USP6NL: variants seen among roughly 807,000 people sequenced by gnomAD.
USP6NL encodes the protein USP6 N-terminal like.
In USP6NL, 26 loss-of-function variants were observed where a neutral mutation model predicts 61.9. The ratio of observed to expected loss-of-function variants is 0.42; its 90% CI spans 0.31 to 0.58. The LOEUF (loss-of-function observed/expected upper bound fraction) is 0.58. Among genes scored for constraint, USP6NL ranks in the 20% least tolerant of loss-of-function variants. The probability of loss-of-function intolerance (pLI) is 0.16; values close to 1 mark genes in which losing one functional copy is unlikely to be tolerated. For synonymous variants in USP6NL, 432 were observed against 390.1 expected (o/e 1.11, Z -1.27); for missense variants, 1,114 against 1,034.3 (o/e 1.08, Z -1.06).
chr10:11,558,071 T>G (rs973980692), intron 2 of USP6NL, among the ~76,000 whole-genome samples: 2 of 152,148 alleles, frequency 1.3e-5, no homozygotes, highest in Admixed American at 6.5e-5. Context: ...TGTGGAGAAC[T>G]CTCCAGTCAC....
rs1340219821 is a variant in USP6NL at position 11,501,027 on chromosome 10, T to C, written c.384+74A>G. The C allele has an allele frequency of 1.0e-5, 12 of 1,163,068 alleles. 1 individual carries two copies. In the South Asian group the frequency reaches 1.3e-4, roughly 13 times the overall value. The allele number at this position is 1,163,068 out of a possible 1,614,324, so 72.0% of individuals were successfully genotyped here. ...TTTAAGTGATCATATGAATATCTTATGTCACCTTGAATGCTAAAAGAAATG... is the reference window on the plus strand; with the variant it reads ...TTTAAGTGATCATATGAATATCTTACGTCACCTTGAATGCTAAAAGAAATG... On this transcript the variant is annotated intron_variant, in intron 7 of 14. Transcript: ENST00000609104.
chr10:11,493,832 G>A (rs1833802867), intron 7 of USP6NL, among the ~76,000 whole-genome samples: 1 of 150,782 alleles, frequency 6.6e-6, no homozygotes, highest in East Asian at 2.0e-4. Context: ...TGTACGGCCT[G>A]ATCTCTGGGC....
intron 4 of USP6NL, among the ~76,000 whole-genome samples, chr10:11,521,598 T>C (rs992603426): frequency 1.3e-5 from 2 of 152,006 alleles, no homozygotes; most frequent in Non-Finnish European, 2.9e-5. Flanking sequence ...GCCAGGCTGG[T>C]CTTGAACTCC....
intron 5 of USP6NL, among the ~76,000 whole-genome samples, chr10:11,512,650 T>C (rs1200219358): frequency 6.6e-6 from 1 of 152,242 alleles, no homozygotes; most frequent in Non-Finnish European, 1.5e-5. Flanking sequence ...ATGAACTATT[T>C]GTCATTCCCA....
rs148380229 is a variant in USP6NL, at chr10:11,485,145, T to C, written c.825+24A>G. 6.5e-7 allele frequency: 1 copy of C among 1,538,326 alleles called. No homozygotes were observed. Among genetic ancestry groups the C allele is most frequent in the Non-Finnish European group, 8.7e-7 (1 of 1,143,078 alleles). On this transcript the variant is annotated intron_variant, in intron 12 of 14. Transcript: ENST00000609104. The surrounding 1 kb of genome is among the most constrained non-coding windows in gnomAD (Gnocchi z 4.8). ...CACCTTGTATTTATAATTTTATGACTGAGTTTTGTAAATAAATACTTACAC... is the reference window on the plus strand; with the variant it reads ...CACCTTGTATTTATAATTTTATGACCGAGTTTTGTAAATAAATACTTACAC...
chr10:11,521,299 TTA>T (rs910894173), intron 4 of USP6NL, among the ~76,000 whole-genome samples: 3 of 147,790 alleles, frequency 2.0e-5, no homozygotes, highest in Admixed American at 6.8e-5. Context: ...GTAATCAAAA[TTA>T]TATATATAAT....
In USP6NL at chr10:11,482,516, G is replaced by A. The variant is rs557849007; in HGVS notation, c.926-594C>T. Among the ~76,000 whole-genome samples, 1 of 152,140 alleles carries A rather than the reference G, an allele frequency of 6.6e-6. No individual in the cohort carries two copies. Among genetic ancestry groups the A allele is most frequent in the Non-Finnish European group, 1.5e-5 (1 of 68,028 alleles). ...ACATAACACCCTACAGGTAGATCCA[G>A]GTATTTACAAGTGTTTATGTATATC... On this transcript the variant is annotated intron_variant, in intron 13 of 14. Coordinates refer to ENST00000609104, the MANE Select transcript of USP6NL (RefSeq NM_014688.5). This position sits in a 1 kb window ranked among gnomAD's most constrained non-coding sequence, Gnocchi z 4.0.
At chr10:11,555,418 A>T (rs1279386288) in intron 2 of USP6NL, among the ~76,000 whole-genome samples, 2 of 33,098 alleles carry the variant, frequency 6.0e-5, no homozygotes, top group East Asian at 1.8e-3. Context: ...TCGGTCTTAA[A>T]AAAAAAAAAA....
In USP6NL at chr10:11,596,650, A is replaced by G. The variant is rs898945005; in HGVS notation, c.4+981T>C. The stretch of plus-strand genomic sequence containing the variant: ...AAAAAAAAAAAAAAAACTCTTTCTT[A>G]ATCTGTACTGAACTCATCTAGCCAC... On this transcript the variant is annotated intron_variant, in intron 2 of 14. Transcript: ENST00000609104. This position sits in a 1 kb window ranked among gnomAD's most constrained non-coding sequence, Gnocchi z 4.1. Among the ~76,000 whole-genome samples, 7 of 151,766 alleles carry G rather than the reference A, an allele frequency of 4.6e-5. No individual in the cohort carries two copies. Among genetic ancestry groups the G allele is most frequent in the Non-Finnish European group, 1.0e-4 (7 of 67,922 alleles).
At position 11,474,716 on chromosome 10, in the gene USP6NL, T is replaced by C. The variant is rs1371640315; in HGVS notation, c.1078+7054A>G. ...ATTAATGATTTTTTTTAAAAAAAAC[T>C]TGCATCAACAAATGACTACTGCAAA... On this transcript the variant is annotated intron_variant, in intron 14 of 14. Transcript: ENST00000609104. The surrounding 1 kb of genome is among the most constrained non-coding windows in gnomAD (Gnocchi z 4.9). Among the ~76,000 whole-genome samples, 1 of 152,188 alleles carries C rather than the reference T, an allele frequency of 6.6e-6. No homozygotes were observed. Among genetic ancestry groups the C allele is most frequent in the Non-Finnish European group, 1.5e-5 (1 of 68,032 alleles).
chr10:11,473,497 G>A (rs1366170902), intron 14 of USP6NL, among the ~76,000 whole-genome samples: 1 of 152,214 alleles, frequency 6.6e-6, no homozygotes, highest in Non-Finnish European at 1.5e-5. Flanking sequence ...AAACTTGGCA[G>A]AAAGGATGAG....
chr10:11,494,971 G>A (rs1296814943), intron 7 of USP6NL, among the ~76,000 whole-genome samples: 1 of 152,084 alleles, frequency 6.6e-6, no homozygotes, highest in African/African-American at 2.4e-5. Flanking sequence ...TGGAGGAGCA[G>A]AGTCTTCTCT....
At chr10:11,503,269 T>G (rs1384785844) in intron 6 of USP6NL, among the ~76,000 whole-genome samples, 1 of 152,214 alleles carries the variant, frequency 6.6e-6, no homozygotes, top group Admixed American at 6.5e-5. Context: ...ACATTTTTAA[T>G]GAGTAACATA....
chr10:11,579,476 C>T (rs1275419042), intron 2 of USP6NL, among the ~76,000 whole-genome samples: 1 of 152,202 alleles, frequency 6.6e-6, no homozygotes, highest in Non-Finnish European at 1.5e-5. Flanking sequence ...GCAGTGCGCA[C>T]ATGACACTTT....
rs759302894 is a variant in USP6NL at position 11,462,647 on chromosome 10, A to G, written c.2281T>C (p.Leu761=). The change falls in exon 15 of 15, where the codon TTA becomes CTA. Residue 761 remains leucine, a synonymous_variant. Transcript: ENST00000609104. ...SWTRDASRGN[L]PKYSAFQLAP... ...AGTTGAAAGGCTGAGTATTTTGGTA[A>G]ATTGCCACGGCTAGCATCTCGGGTC... The G allele has an allele frequency of 6.2e-7, 1 of 1,613,970 alleles. No individual in the cohort carries two copies. Among genetic ancestry groups the G allele is most frequent in the Admixed American group, 1.7e-5 (1 of 60,024 alleles).
At chr10:11,599,728 CTT>C (rs1167014471) in intron 1 of USP6NL, among the ~76,000 whole-genome samples, 11 of 135,726 alleles carry the variant, frequency 8.1e-5, no homozygotes, top group African/African-American at 1.1e-4. Flanking sequence ...CTCCAACCTA[CTT>C]TTTTTTTTTT....
At chr10:11,523,952 T>G (rs1566156831) in intron 4 of USP6NL, among the ~76,000 whole-genome samples, 1 of 152,202 alleles carries the variant, frequency 6.6e-6, no homozygotes, top group East Asian at 1.9e-4. Flanking sequence ...TGGAACCCAC[T>G]GGTGTTAACA....
intron 3 of USP6NL, among the ~76,000 whole-genome samples, chr10:11,526,688 A>T (rs902567223): frequency 2.6e-5 from 4 of 152,186 alleles, no homozygotes; most frequent in Non-Finnish European, 4.4e-5. Flanking sequence ...CCTCACAAAT[A>T]ATCAGAAGGA....
chr10:11,557,548 AT>A (rs1194667257), intron 2 of USP6NL, among the ~76,000 whole-genome samples: 1 of 152,278 alleles, frequency 6.6e-6, no homozygotes, highest in Non-Finnish European at 1.5e-5. Context: ...CTAGCGTTAA[AT>A]CAGAGTCATG....
Sources: gnomAD v4.1 joint callset for allele counts (sites outside exome capture counted in the v4.1 genomes callset) on GRCh38, gnomAD v4.1.1 for gene constraint, Gnocchi (gnomAD v3.1) non-coding constraint, MANE v1.5 for transcripts, NCBI Gene and HGNC (gene_info 2026-07-23, HGNC 2026-07-21) for gene names.